CLPB: variants seen among roughly 807,000 people sequenced by gnomAD.
CLPB encodes the protein ClpB family mitochondrial disaggregase, also known as mitochondrial disaggregase.
CLPB carries 40 observed loss-of-function variants against 78.4 expected under a neutral mutation model. The observed-to-expected ratio is 0.51, with a 90% CI of 0.40 to 0.66. The LOEUF (loss-of-function observed/expected upper bound fraction) is 0.66, where lower values mean the gene tolerates loss of function less well. CLPB is among the 30% of genes least tolerant of loss of function. The pLI, the probability that CLPB is intolerant of heterozygous loss-of-function variation, is 0.00. For missense variants in CLPB, 780 were observed against 886.9 expected, an observed-to-expected ratio of 0.88 and a Z score of 1.53; for synonymous variants, 333 against 348.0, an observed-to-expected ratio of 0.96 and a Z score of 0.48.
At chr11:72,360,649 C>T (rs1406983610) in intron 4 of CLPB, among the ~76,000 whole-genome samples, 1 of 152,086 alleles carries the variant, frequency 6.6e-6, no homozygotes, top group East Asian at 1.9e-4. Context: ...GTTGGCCAGG[C>T]TGGTCTCAAA....
chr11:72,382,346 C>T (rs1372815661), intron 3 of CLPB, among the ~76,000 whole-genome samples: 2 of 152,132 alleles, frequency 1.3e-5, no homozygotes, highest in South Asian at 2.1e-4. Flanking sequence ...AGTACCAGAC[C>T]AACCCCTGTG....
intron 4 of CLPB, 82 bp downstream of exon 4, chr11:72,380,199 G>A: frequency 9.6e-7 from 1 of 1,039,452 alleles, no homozygotes; most frequent in Non-Finnish European, 1.5e-6. Context: ...CTGAGTTGCT[G>A]GTAGAGCTGA....
At chr11:72,303,061 G>C (rs1209873827) in intron 9 of CLPB, 1 of 152,326 alleles carries the variant, frequency 6.6e-6, no homozygotes, top group Non-Finnish European at 1.5e-5. Flanking sequence ...TTGGGGAAGA[G>C]AACAGCTTGC....
intron 6 of CLPB, among the ~76,000 whole-genome samples, chr11:72,327,239 C>G (rs1950148470): frequency 6.6e-6 from 1 of 152,220 alleles, no homozygotes; most frequent in Non-Finnish European, 1.5e-5. Flanking sequence ...GAATAAATCT[C>G]ACTCCCTCTC....
chr11:72,359,020 G>A lies in CLPB; in HGVS notation c.647-12C>T. 6.2e-7 allele frequency: 1 copy of A among 1,613,408 alleles called. No individual in the cohort carries two copies. The highest frequency in any genetic ancestry group is 8.5e-7 in the Non-Finnish European group (1 of 1,179,908). On this transcript the variant is annotated splice_polypyrimidine_tract_variant and intron_variant, in intron 4 of 15. Coordinates refer to ENST00000538039, the MANE Select transcript of CLPB (RefSeq NM_001258392.3). ...TCGGGTGATCAGGACTGGGGAGACA[G>A]CAACACAAACCCTTCCATTAGCAAC...
intron 7 of CLPB, among the ~76,000 whole-genome samples, chr11:72,309,888 T>C (rs1351577972): frequency 2.0e-5 from 3 of 152,174 alleles, no homozygotes; most frequent in African/African-American, 7.2e-5. Flanking sequence ...GGGGAAAGAT[T>C]TGACAGTGTT....
chr11:72,424,916 CA>C (rs936178645), intron 2 of CLPB, among the ~76,000 whole-genome samples: 54 of 150,620 alleles, frequency 3.6e-4, no homozygotes, highest in Admixed American at 3.0e-3. Context: ...AAAAAAAACA[CA>C]AAAAAAAACT....
chr11:72,433,915 G>C (rs1232999496), intron 1 of CLPB, among the ~76,000 whole-genome samples, 157 bp downstream of exon 1: 1 of 152,132 alleles, frequency 6.6e-6, no homozygotes, highest in Non-Finnish European at 1.5e-5. Context: ...GAGGTCTCTA[G>C]GGCAACACCC....
chr11:72,291,497 AG>A lies in CLPB; in HGVS notation c.*1869del, dbSNP rs894337960. ...TAATTTTTGTATTTTTAGTACAGAC[AG>A]GGTTTCACCATGTTGGCCAGGCTGG... On this transcript the variant is annotated 3_prime_UTR_variant, in exon 16 of 16. Transcript: ENST00000538039. 3.3e-5 allele frequency: 5 copies of A among 151,928 alleles called. No individual in the cohort carries two copies. Among genetic ancestry groups the A allele is most frequent in the African/African-American group, 1.2e-4 (5 of 41,372 alleles). 9.4% of individuals were successfully genotyped at this position (151,928 alleles called of 1,614,324 possible).
intron 3 of CLPB, among the ~76,000 whole-genome samples, chr11:72,390,453 G>GAAAAAAAAAAAAAAAAAAAAAA (rs1329085745): frequency 4.3e-5 from 3 of 69,496 alleles, no homozygotes; most frequent in Admixed American, 1.5e-4. Context: ...AAACGAAATA[G>GAAAAAAAAAAAAAAAAAAAAAA]AAAAAAAAAA....
chr11:72,380,305 C>T lies in CLPB; in HGVS notation c.622G>A (p.Glu208Lys). 1 of 1,614,014 alleles carries T rather than the reference C, an allele frequency of 6.2e-7. No individual in the cohort carries two copies. Among genetic ancestry groups the T allele is most frequent in the Non-Finnish European group, 8.5e-7 (1 of 1,179,882 alleles). Reference sequence around the variant, plus strand: ...CCTTCCAAAGAATGGATTCCCTGTTCCTTGGCAGTCTTGTAAACACTGCTG... The same window carrying T: ...CCTTCCAAAGAATGGATTCCCTGTTTCTTGGCAGTCTTGTAAACACTGCTG... ...DFSSVYKTAK[E>K]QGIHSLEVLI... The change falls in exon 4 of 16, where the codon GAA becomes AAA. Residue 208 changes from glutamate to lysine, a missense_variant. Physicochemically the swap from Glu to Lys is moderately conservative, Grantham distance 56 (BLOSUM62 1). Around this residue, in one of 3 missense-constraint regions of CLPB, gnomAD observed 417 missense variants for 414.7 expected, o/e 1.01. Transcript: ENST00000538039.
At chr11:72,371,736 T>C (rs1951046672) in intron 4 of CLPB, among the ~76,000 whole-genome samples, 1 of 152,082 alleles carries the variant, frequency 6.6e-6, no homozygotes, top group South Asian at 2.1e-4. Context: ...GTTTTGAATA[T>C]AGCACACCCC....
At chr11:72,332,703 T>C (rs1049569277) in intron 5 of CLPB, 1 of 152,228 alleles carries the variant, frequency 6.6e-6, no homozygotes, top group African/African-American at 2.4e-5. Flanking sequence ...TTCTGGATAC[T>C]TCCTATGAAT....
intron 3 of CLPB, among the ~76,000 whole-genome samples, chr11:72,400,532 G>A (rs557090903): frequency 1.3e-5 from 2 of 152,264 alleles, no homozygotes; most frequent in African/African-American, 4.8e-5. Context: ...TTTAAGCATC[G>A]TGTTGTTTCC....
At chr11:72,365,540 A>G (rs566915235) in intron 4 of CLPB, among the ~76,000 whole-genome samples, 57 of 152,328 alleles carry the variant, frequency 3.7e-4, no homozygotes, top group Non-Finnish European at 1.9e-4. Flanking sequence ...TATATAAACC[A>G]TTGAGTTATA....
chr11:72,362,432 TG>T (rs1371568212), intron 4 of CLPB, among the ~76,000 whole-genome samples: 1 of 152,256 alleles, frequency 6.6e-6, no homozygotes, highest in Non-Finnish European at 1.5e-5. Context: ...GACAAATACT[TG>T]TTGAATCAAC....
intron 5 of CLPB, among the ~76,000 whole-genome samples, chr11:72,341,520 A>G (rs1022686853): frequency 1.3e-5 from 2 of 152,388 alleles, no homozygotes; most frequent in Admixed American, 1.3e-4. Flanking sequence ...TACATTAAAG[A>G]TATAAATGAG....
chr11:72,390,453 G>GAAAAAAAAAAAAAAAAAA (rs1329085745), intron 3 of CLPB, among the ~76,000 whole-genome samples: 2 of 69,584 alleles, frequency 2.9e-5, no homozygotes, highest in Admixed American at 1.5e-4. Context: ...AAACGAAATA[G>GAAAAAAAAAAAAAAAAAA]AAAAAAAAAA....
intron 5 of CLPB, among the ~76,000 whole-genome samples, chr11:72,349,244 G>A (rs1022078138): frequency 2.0e-5 from 3 of 152,316 alleles, no homozygotes; most frequent in African/African-American, 7.2e-5. Flanking sequence ...GTTAGTGCCA[G>A]AACCATGTGC....
Sources: gnomAD v4.1 joint callset for allele counts (sites outside exome capture counted in the v4.1 genomes callset) on GRCh38, gnomAD v4.1.1 for gene constraint, gnomAD v4.1.1 regional missense constraint, MANE v1.5 for transcripts, NCBI Gene and HGNC (gene_info 2026-07-23, HGNC 2026-07-21) for gene names.